SEC23A: variants seen among roughly 807,000 people sequenced by gnomAD.
SEC23A encodes protein transport protein Sec23A.
In SEC23A, 56 loss-of-function variants were observed where a neutral mutation model predicts 103.7. The ratio of observed to expected loss-of-function variants is 0.54; its 90% CI spans 0.44 to 0.67. The LOEUF is 0.67. Among genes scored for constraint, SEC23A ranks in the 30% least tolerant of loss-of-function variants. The pLI, the probability that SEC23A is intolerant of heterozygous loss-of-function variation, is 0.00. For synonymous variants in SEC23A, 281 were observed against 293.0 expected (o/e 0.96, Z 0.42); for missense variants, 784 against 936.4 (o/e 0.84, Z 2.12).
At chr14:39,091,079 T>C (rs1352326768) in intron 5 of SEC23A, 4 of 416,244 alleles carry the variant, frequency 9.6e-6, no homozygotes, top group South Asian at 3.8e-5. Flanking sequence ...GATGATGACA[T>C]GGACTTTGGT....
At chr14:39,046,005 T>A (rs1885823621) in intron 15 of SEC23A, among the ~76,000 whole-genome samples, 1 of 152,188 alleles carries the variant, frequency 6.6e-6, no homozygotes, top group Admixed American at 6.5e-5. Context: ...GGGGGCAGTT[T>A]CCCCCATACT....
At chr14:39,034,753 C>T (rs919614238) in intron 19 of SEC23A, among the ~76,000 whole-genome samples, 1 of 152,158 alleles carries the variant, frequency 6.6e-6, no homozygotes, top group African/African-American at 2.4e-5. Context: ...CTGATCTCAA[C>T]TTTTCAAATG....
chr14:39,095,058 A>G (rs923986464), intron 2 of SEC23A: 1 of 685,884 alleles, frequency 1.5e-6, no homozygotes, highest in African/African-American at 1.8e-5. Context: ...AGGTAGGAGG[A>G]TATTGAAATT....
Position 39,040,855 on chromosome 14 carries a change from C to G in SEC23A, c.2019G>C (p.Gln673His). 1 of 1,614,114 alleles carries G rather than the reference C, an allele frequency of 6.2e-7. No homozygotes were observed. Among genetic ancestry groups the G allele is most frequent in the Non-Finnish European group, 8.5e-7 (1 of 1,180,016 alleles). ...TIAQWRKSGY[Q>H]DMPEYENFRH... ...GGAAATTTTCATACTCAGGCATATC[C>G]TGGTATCCTGACTTCCGCCACTGTG... The change falls in exon 18 of 20, where the codon CAG (glutamine) becomes CAC (histidine). Residue 673 changes from glutamine to histidine, a missense_variant. By Grantham distance (24) the Gln-to-His change is conservative. Coordinates refer to ENST00000307712, the MANE Select transcript of SEC23A (RefSeq NM_006364.4).
At chr14:39,097,433 T>C (rs1887925820) in intron 1 of SEC23A, among the ~76,000 whole-genome samples, 1 of 152,202 alleles carries the variant, frequency 6.6e-6, no homozygotes, top group Non-Finnish European at 1.5e-5. Context: ...ATGTTTAAAG[T>C]TGCTAAGAGC....
chr14:39,074,058 C>T (rs1028611999), intron 9 of SEC23A, among the ~76,000 whole-genome samples: 5 of 152,134 alleles, frequency 3.3e-5, no homozygotes, highest in South Asian at 2.1e-4. Flanking sequence ...AAACAAATTA[C>T]GGTGATGGCT....
rs1566501843 is a variant in SEC23A, at chr14:39,075,979, C to T, written c.943G>A (p.Asp315Asn). 2 of 1,613,914 alleles carry T rather than the reference C, an allele frequency of 1.2e-6. No individual in the cohort carries two copies. The highest frequency in any genetic ancestry group is 1.7e-6 in the Non-Finnish European group (2 of 1,179,934). The stretch of plus-strand genomic sequence containing the variant: ...TATTTGGCATTGTCTTTGTCAATGT[C>T]ATGCCACGATCTTATAGGTGTCTTC... The part of the protein sequence containing the change: ...ELKTPIRSWH[D>N]IDKDNAKYVK... The change falls in exon 8 of 20, where the codon GAC becomes AAC. Residue 315 changes from aspartate to asparagine, a missense_variant. Coordinates refer to ENST00000307712, the MANE Select transcript of SEC23A (RefSeq NM_006364.4).
chr14:39,033,171 G>T lies in SEC23A; in HGVS notation c.*68C>A. Reference sequence around the variant, plus strand: ...TATCTGTTGGTTTCCACAGATAAATGGAAAAAGGAAAAAATGAAATTTGAA... The same window carrying T: ...TATCTGTTGGTTTCCACAGATAAATTGAAAAAGGAAAAAATGAAATTTGAA... On this transcript the variant is annotated 3_prime_UTR_variant, in exon 20 of 20. Coordinates refer to ENST00000307712, the MANE Select transcript of SEC23A (RefSeq NM_006364.4). 8.2e-7 allele frequency: 1 copy of T among 1,225,994 alleles called. No homozygotes were observed. The highest frequency in any genetic ancestry group is 1.2e-6 in the Non-Finnish European group (1 of 827,094). 75.9% of individuals were successfully genotyped at this position (1,225,994 alleles called of 1,614,324 possible). A position where few individuals can be genotyped will look rare whatever the true frequency, so the allele number is the denominator to read the frequency against.
chr14:39,097,123 C>T (rs1466606270), intron 1 of SEC23A, among the ~76,000 whole-genome samples: 1 of 152,112 alleles, frequency 6.6e-6, no homozygotes, highest in African/African-American at 2.4e-5. Flanking sequence ...TATAAAATTT[C>T]AGTATAATAA....
chr14:39,092,867 T>G (rs866240463), intron 3 of SEC23A: 3 of 502,928 alleles, frequency 6.0e-6, no homozygotes, highest in South Asian at 2.3e-5. Flanking sequence ...TTGTTTGTTT[T>G]GTTTGTTTGT....
chr14:39,101,637 C>A lies in SEC23A; in HGVS notation c.-22+1395G>T, dbSNP rs868695350. Reference sequence around the variant, plus strand: ...GACTCCGTCTCAAAAAAAAAAAAAACAAAAAAGACTTTCCCTATGATAGTT... The same window carrying A: ...GACTCCGTCTCAAAAAAAAAAAAAAAAAAAAAGACTTTCCCTATGATAGTT... On this transcript the variant is annotated intron_variant, in intron 1 of 19. Coordinates refer to ENST00000307712, the MANE Select transcript of SEC23A (RefSeq NM_006364.4). Among the ~76,000 whole-genome samples the A allele has an allele frequency of 6.2e-3, 913 of 148,042 alleles. 10 individuals are homozygous for A. The highest frequency in any genetic ancestry group is 0.02 in the African/African-American group (790 of 39,814).
chr14:39,085,763 T>C lies in SEC23A; in HGVS notation c.827A>G (p.Glu276Gly). 4 of 1,604,712 alleles carry C rather than the reference T, an allele frequency of 2.5e-6. No homozygotes were observed. Among genetic ancestry groups the C allele is most frequent in the Non-Finnish European group, 3.4e-6 (4 of 1,176,042 alleles). Residue 276 changes from glutamate to glycine, a missense_variant and splice_region_variant, in exon 7 of 20, where the codon GAG (glutamate) becomes GGG (glycine). Coordinates refer to ENST00000307712, the MANE Select transcript of SEC23A (RefSeq NM_006364.4). ...CCAAAACAAAACCATCTTCCCTACCTCCAGCAGTCCTACAGCTATGGAAAG... is the reference window on the plus strand; with the variant it reads ...CCAAAACAAAACCATCTTCCCTACCCCCAGCAGTCCTACAGCTATGGAAAG... Reference protein sequence around the residue: ...VALSIAVGLLECTFPNTGARI... With the variant: ...VALSIAVGLLGCTFPNTGARI...
intron 14 of SEC23A, among the ~76,000 whole-genome samples, chr14:39,052,256 C>G (rs146829088): frequency 1.3e-5 from 2 of 151,442 alleles, no homozygotes; most frequent in Non-Finnish European, 2.9e-5. Flanking sequence ...CCATGGCACA[C>G]GTTTACCTAT....
chr14:39,040,173 CTT>C (rs1388709111), intron 18 of SEC23A: 4 of 152,256 alleles, frequency 2.6e-5, no homozygotes, highest in African/African-American at 9.7e-5. Flanking sequence ...AGGAACCTAA[CTT>C]AGCCTTCTGA....
chr14:39,039,299 C>T (rs772155716), intron 18 of SEC23A: 21 of 526,538 alleles, frequency 4.0e-5, no homozygotes, highest in Admixed American at 7.2e-5. Flanking sequence ...CTCTTCTCTC[C>T]AAATCATACA....
chr14:39,061,923 CAT>C (rs1405433305), intron 12 of SEC23A, 52 bp from the exon 13 acceptor site: 14 of 1,077,288 alleles, frequency 1.3e-5, no homozygotes, highest in Non-Finnish European at 2.0e-5. Flanking sequence ...ATGCTGTTGT[CAT>C]ATAATCACAG....
chr14:39,094,393 CACACATATATATATAT>C (rs1198778323), intron 2 of SEC23A, among the ~76,000 whole-genome samples: 723 of 23,914 alleles, frequency 0.03, 129 homozygotes, highest in East Asian at 0.094. Flanking sequence ...CACACACACA[CACACATATATATATAT>C]ATATATATAT....
chr14:39,064,748 G>A, intron 11 of SEC23A, 165 bp downstream of exon 11: 1 of 648,918 alleles, frequency 1.5e-6, no homozygotes, highest in Non-Finnish European at 2.8e-6. Flanking sequence ...TTCTTTTTTG[G>A]GGGGATAACA....
At chr14:39,089,514 C>T (rs1249329457) in intron 5 of SEC23A, among the ~76,000 whole-genome samples, 1 of 152,162 alleles carries the variant, frequency 6.6e-6, no homozygotes, top group African/African-American at 2.4e-5. Context: ...CTTCCTAAAC[C>T]TGACTTTCCT....
Sources: gnomAD v4.1 joint callset for allele counts (sites outside exome capture counted in the v4.1 genomes callset) on GRCh38, gnomAD v4.1.1 for gene constraint, MANE v1.5 for transcripts, NCBI Gene and HGNC (gene_info 2026-07-23, HGNC 2026-07-21) for gene names.